Variants in SNX29 observed in about 807,000 individuals in gnomAD.
SNX29 encodes the protein sorting nexin-29.
A neutral mutation model predicts 102.1 loss-of-function variants in SNX29; 78 were observed. The ratio of observed to expected loss-of-function variants is 0.76; its 90% confidence interval spans 0.64 to 0.92. SNX29 has a LOEUF of 0.92. SNX29 is among the 40% of genes least tolerant of loss of function. The pLI, the probability that SNX29 is intolerant of heterozygous loss-of-function variation, is 0.00. For missense variants in SNX29, 1,280 were observed against 1,061.7 expected, an observed-to-expected ratio of 1.21 and a Z score of -2.86; for synonymous variants, 580 against 414.5, an observed-to-expected ratio of 1.40 and a Z score of -4.85.
intron 15 of SNX29, among the ~76,000 whole-genome samples, chr16:12,323,253 C>G (rs569856064): frequency 1.3e-5 from 2 of 151,752 alleles, no homozygotes; most frequent in East Asian, 3.9e-4. Flanking sequence ...ACTGGAGTCA[C>G]TAGAGTCATT....
At chr16:12,089,263 C>T (rs373525764) in intron 11 of SNX29, among the ~76,000 whole-genome samples, 27 of 151,696 alleles carry the variant, frequency 1.8e-4, no homozygotes, top group Middle Eastern at 6.8e-3. Context: ...CCTAGGAGGT[C>T]GAGGCTTTAG....
chr16:12,369,858 C>G (rs564668658), intron 16 of SNX29, among the ~76,000 whole-genome samples: 1 of 152,332 alleles, frequency 6.6e-6, no homozygotes, highest in African/African-American at 2.4e-5. Flanking sequence ...GTTAGTCACA[C>G]CTTCCGCACA....
rs573584621 is a variant in SNX29, at chr16:12,438,348, C to T, written c.2037+34819C>T. Reference sequence around the variant, plus strand: ...AGCTCAGCTGGGTTCAGCGCTCTCCCCTCTCCCTTTATTTTCTTTCTGCTG... The same window carrying T: ...AGCTCAGCTGGGTTCAGCGCTCTCCTCTCTCCCTTTATTTTCTTTCTGCTG... On this transcript the variant is annotated intron_variant, in intron 18 of 20. Coordinates refer to ENST00000566228, the MANE Select transcript of SNX29 (RefSeq NM_032167.5). Among the ~76,000 whole-genome samples, 11 of 152,228 alleles carry T rather than the reference C, an allele frequency of 7.2e-5. No homozygotes were observed. In the South Asian group the frequency reaches 2.1e-3, roughly 29 times the overall value.
intron 20 of SNX29, among the ~76,000 whole-genome samples, chr16:12,531,716 C>T (rs987931992): frequency 1.3e-5 from 2 of 152,062 alleles, no homozygotes; most frequent in Non-Finnish European, 2.9e-5. Flanking sequence ...GAGGGGAAGC[C>T]CGCTTGGGAG....
intron 13 of SNX29, among the ~76,000 whole-genome samples, chr16:12,139,979 TCAAA>T (rs1458899857): frequency 1.6e-4 from 10 of 63,056 alleles, no homozygotes; most frequent in African/African-American, 4.5e-4. Flanking sequence ...ATACCCTGTC[TCAAA>T]AAAAAAAAAA....
intron 14 of SNX29, among the ~76,000 whole-genome samples, chr16:12,213,620 G>A (rs2077245489): frequency 6.6e-6 from 1 of 152,188 alleles, no homozygotes; most frequent in Non-Finnish European, 1.5e-5. Context: ...GCTGTGGAAG[G>A]TCACAGCACA....
intron 15 of SNX29, among the ~76,000 whole-genome samples, chr16:12,309,789 T>C (rs562197555): frequency 1.3e-5 from 2 of 152,304 alleles, no homozygotes; most frequent in East Asian, 3.9e-4. Flanking sequence ...TTGGAAGGGT[T>C]TCCTTTAGAA....
chr16:12,540,692 A>C (rs1040836305), intron 20 of SNX29, among the ~76,000 whole-genome samples: 10 of 152,154 alleles, frequency 6.6e-5, no homozygotes, highest in African/African-American at 2.2e-4. Flanking sequence ...CTTGTTGTAG[A>C]AGCTCACATA....
At chr16:12,522,720 C>A (rs1567650680) in intron 19 of SNX29, among the ~76,000 whole-genome samples, 1 of 152,206 alleles carries the variant, frequency 6.6e-6, no homozygotes, top group Non-Finnish European at 1.5e-5. Context: ...GAGGCATCCC[C>A]CACCATGTTT....
At chr16:12,542,418 C>T (rs1372906569) in intron 20 of SNX29, among the ~76,000 whole-genome samples, 5 of 152,232 alleles carry the variant, frequency 3.3e-5, no homozygotes, top group African/African-American at 9.6e-5. Flanking sequence ...TCACTACAGC[C>T]TTCGCCTCCC....
At chr16:12,226,041 G>A (rs141659407) in intron 14 of SNX29, among the ~76,000 whole-genome samples, 233 of 152,218 alleles carry the variant, frequency 1.5e-3, no homozygotes, top group African/African-American at 5.0e-3. Context: ...TAAACCCCTC[G>A]CATACAAATG....
chr16:12,519,546 AT>A (rs1489074619), intron 19 of SNX29, among the ~76,000 whole-genome samples: 2 of 152,242 alleles, frequency 1.3e-5, no homozygotes, highest in East Asian at 1.9e-4. Context: ...ACACTGAAGT[AT>A]TTAGGAGTAA....
chr16:12,571,870 A>G lies in SNX29; in HGVS notation c.*3241A>G, dbSNP rs542840436. ...AATCACGTTGCTGGCAAGGCATTTTAGAGTTTGGAGCTGAGGTTCAAAGCC... is the reference window on the plus strand; with the variant it reads ...AATCACGTTGCTGGCAAGGCATTTTGGAGTTTGGAGCTGAGGTTCAAAGCC... On this transcript the variant is annotated 3_prime_UTR_variant, in exon 21 of 21. Transcript: ENST00000566228. 2.5e-5 allele frequency: 26 copies of G among 1,061,196 alleles called. No homozygotes were observed. In the South Asian group the frequency reaches 8.2e-4, roughly 33 times the overall value. The allele number at this position is 1,061,196 out of a possible 1,614,324, so 65.7% of individuals were successfully genotyped here. A position where few individuals can be genotyped will look rare whatever the true frequency, so the allele number is the denominator to read the frequency against.
At chr16:12,408,157 C>CCA (rs140129130) in intron 18 of SNX29, among the ~76,000 whole-genome samples, 2 of 142,918 alleles carry the variant, frequency 1.4e-5, no homozygotes, top group Non-Finnish European at 1.5e-5. Flanking sequence ...GGACCCTTCT[C>CCA]AAAAAAACAA....
chr16:12,297,987 T>A (rs1209656252), intron 15 of SNX29, among the ~76,000 whole-genome samples: 1 of 152,174 alleles, frequency 6.6e-6, no homozygotes, highest in Non-Finnish European at 1.5e-5. Flanking sequence ...CTGGCCAACA[T>A]GGCAAAAGCC....
chr16:12,449,780 T>C (rs2086223361), intron 18 of SNX29, among the ~76,000 whole-genome samples: 1 of 152,216 alleles, frequency 6.6e-6, no homozygotes, highest in Non-Finnish European at 1.5e-5. Flanking sequence ...CAGTGAACTT[T>C]CCTAAATCCC....
chr16:12,344,425 G>A (rs2081718970), intron 15 of SNX29, among the ~76,000 whole-genome samples: 1 of 152,184 alleles, frequency 6.6e-6, no homozygotes, highest in Non-Finnish European at 1.5e-5. Context: ...CCACTAGCTA[G>A]AATATAGAAA....
intron 6 of SNX29, among the ~76,000 whole-genome samples, chr16:12,047,250 GT>G (rs1291503888): frequency 7.2e-5 from 11 of 152,214 alleles, no homozygotes; most frequent in African/African-American, 2.7e-4. Flanking sequence ...TCGGTGGACT[GT>G]TACGTTGTTC....
At chr16:12,372,487 C>T (rs547457741) in intron 16 of SNX29, 1 of 152,264 alleles carries the variant, frequency 6.6e-6, no homozygotes, top group South Asian at 2.1e-4. Flanking sequence ...ATTTGGCCCC[C>T]AAGAAGTTTG....
Sources: allele counts gnomAD v4.1 joint callset (sites outside exome capture counted in the v4.1 genomes callset), GRCh38; gene constraint gnomAD v4.1.1; transcripts MANE v1.5; gene names NCBI Gene and HGNC (gene_info 2026-07-23, HGNC 2026-07-21).